Variants in SSBP3 observed in about 807,000 individuals in gnomAD.
SSBP3 encodes the protein single stranded DNA binding protein 3, also known as single-stranded DNA-binding protein 3.
A neutral mutation model predicts 69.6 loss-of-function variants in SSBP3; 5 were observed. That is an observed-to-expected ratio of 0.07 (90% confidence interval 0.04 to 0.15). The LOEUF (loss-of-function observed/expected upper bound fraction) is 0.15. Among genes scored for constraint, SSBP3 ranks in the 10% least tolerant of loss-of-function variants. The pLI, the probability that SSBP3 is intolerant of heterozygous loss-of-function variation, is 1.00. For missense variants in SSBP3, 312 were observed against 534.0 expected, an observed-to-expected ratio of 0.58 and a Z score of 4.10; for synonymous variants, 196 against 193.4, an observed-to-expected ratio of 1.01 and a Z score of -0.11.
intron 3 of SSBP3, among the ~76,000 whole-genome samples, chr1:54,403,698 C>T (rs1451727893): frequency 6.6e-6 from 1 of 152,076 alleles, no homozygotes; most frequent in Admixed American, 6.6e-5. Context: ...CAGGACACAC[C>T]GTTTTGCTGA....
chr1:54,293,784 A>G (rs1356770617), intron 4 of SSBP3, among the ~76,000 whole-genome samples: 1 of 152,272 alleles, frequency 6.6e-6, no homozygotes, highest in Non-Finnish European at 1.5e-5. Context: ...TGGTGTGCAC[A>G]GCACAGGGAA....
chr1:54,357,516 A>C (rs1446988231), intron 4 of SSBP3, among the ~76,000 whole-genome samples: 1 of 152,118 alleles, frequency 6.6e-6, no homozygotes, highest in Non-Finnish European at 1.5e-5. Context: ...TTGCCACCTC[A>C]TCCTCCTGCT....
Position 54,258,333 on chromosome 1 carries a change from G to A in SSBP3, c.367-184C>T, listed in dbSNP as rs550224781. ...GGTCGCCGGCTCAACGGTGTAAAAC[G>A]GCGAGCGGGAGCGAGAGAAGCTGAT... On this transcript the variant is annotated intron_variant, in intron 5 of 17. Coordinates refer to ENST00000610401, the Ensembl canonical transcript of SSBP3. This position sits in a 1 kb window ranked among gnomAD's most constrained non-coding sequence, Gnocchi z 4.5. 3.3e-4 allele frequency among the ~76,000 whole-genome samples: 51 copies of A among 152,314 alleles called. No homozygotes were observed. In the South Asian group the frequency reaches 4.6e-3, roughly 14 times the overall value.
Position 54,313,435 on chromosome 1 carries a change from CTTTTTTTTT to C in SSBP3, c.277-31917_277-31909del, listed in dbSNP as rs752753963. Reference sequence around the variant, plus strand: ...CTCACACCGAAGCTGTGTGCCTGTGCTTTTTTTTTTTTTTTTTTTTTTTTTTCTTTTTAA... The same window carrying C: ...CTCACACCGAAGCTGTGTGCCTGTGCTTTTTTTTTTTTTTTTTCTTTTTAA... On this transcript the variant is annotated intron_variant, in intron 4 of 17. Coordinates refer to ENST00000610401, the Ensembl canonical transcript of SSBP3. 6.2e-3 allele frequency among the ~76,000 whole-genome samples: 533 copies of C among 86,440 alleles called. 3 individuals carry two copies. Among genetic ancestry groups the C allele is most frequent in the African/African-American group, 0.021 (498 of 24,044 alleles). 56.7% of individuals were successfully genotyped at this position (86,440 alleles called of 152,430 possible). A position where few individuals can be genotyped will look rare whatever the true frequency, so the allele number is the denominator to read the frequency against.
chr1:54,333,466 G>A (rs569020855), intron 4 of SSBP3, among the ~76,000 whole-genome samples: 1 of 152,256 alleles, frequency 6.6e-6, no homozygotes, highest in East Asian at 1.9e-4. Flanking sequence ...AAGGCTGCAT[G>A]GCCTGGTAAT....
exon 1 of SSBP3, chr1:54,406,070 G>A: frequency 2.0e-6 from 2 of 1,004,596 alleles, no homozygotes; most frequent in Non-Finnish European, 2.7e-6. Flanking sequence ...CTACCGCTCC[G>A]GCTCTCCCGA....
chr1:54,319,047 C>T (rs1326924424), intron 4 of SSBP3, among the ~76,000 whole-genome samples: 1 of 152,164 alleles, frequency 6.6e-6, no homozygotes, highest in Non-Finnish European at 1.5e-5. Context: ...GTCCACACCA[C>T]ACCAGCTGCA....
At chr1:54,404,809 G>GGA in intron 2 of SSBP3, 49 bp downstream of exon 2, 1 of 225,520 alleles carries the variant, frequency 4.4e-6, no homozygotes, top group Non-Finnish European at 6.7e-6. Context: ...TAAGAATAGT[G>GGA]GGGGGGGGGG....
At chr1:54,248,390 G>A (rs1389138611) in intron 9 of SSBP3, among the ~76,000 whole-genome samples, 2 of 152,182 alleles carry the variant, frequency 1.3e-5, no homozygotes, top group East Asian at 3.9e-4. Flanking sequence ...TTTCACAGCT[G>A]CTATTTCGCC....
chr1:54,273,097 G>A (rs934827763), intron 5 of SSBP3, among the ~76,000 whole-genome samples: 2 of 152,256 alleles, frequency 1.3e-5, no homozygotes, highest in African/African-American at 2.4e-5. Context: ...CTGGCTCTGC[G>A]TTAGGGGGCA....
chr1:54,272,711 G>A (rs540694389), intron 5 of SSBP3, among the ~76,000 whole-genome samples: 3 of 152,322 alleles, frequency 2.0e-5, no homozygotes, highest in Non-Finnish European at 4.4e-5. Flanking sequence ...GCCGACCTGC[G>A]GCAGAGCAGC....
intron 4 of SSBP3, among the ~76,000 whole-genome samples, chr1:54,372,379 C>T (rs563401741): frequency 6.6e-6 from 1 of 151,540 alleles, no homozygotes; most frequent in South Asian, 2.1e-4. Flanking sequence ...TGGAATGCCC[C>T]TTCCCCTCCA....
In SSBP3 at chr1:54,256,201, A is replaced by C. The variant is rs755282238; in HGVS notation, c.507+926T>G. Among the ~76,000 whole-genome samples the C allele has an allele frequency of 2.6e-5, 4 of 152,166 alleles. No individual in the cohort carries two copies. The East Asian group carries it at 7.7e-4, about 29-fold the overall frequency. ...AAAAGCATCACACTCAGACAATGCTAATTTAGCTGGTGACTAAACTCCCAG... is the reference window on the plus strand; with the variant it reads ...AAAAGCATCACACTCAGACAATGCTCATTTAGCTGGTGACTAAACTCCCAG... On this transcript the variant is annotated intron_variant, in intron 7 of 17. Coordinates refer to ENST00000610401, the Ensembl canonical transcript of SSBP3.
chr1:54,392,655 G>A (rs952041237), intron 4 of SSBP3, among the ~76,000 whole-genome samples: 2 of 152,222 alleles, frequency 1.3e-5, no homozygotes, highest in Admixed American at 1.3e-4. Flanking sequence ...ACTTAGCACA[G>A]TTGATGCCTG....
intron 1 of SSBP3, chr1:54,412,647 T>C (rs1271398051): frequency 2.0e-5 from 3 of 152,260 alleles, no homozygotes; most frequent in Non-Finnish European, 4.4e-5. Flanking sequence ...ATAATGTGAA[T>C]ACACTCAATG....
In SSBP3 at chr1:54,269,794, T is replaced by C. The variant is rs537026487; in HGVS notation, c.366+11644A>G. 2.8e-4 allele frequency among the ~76,000 whole-genome samples: 43 copies of C among 152,158 alleles called. No homozygotes were observed. In the South Asian group the frequency reaches 8.5e-3, roughly 30 times the overall value. On this transcript the variant is annotated intron_variant, in intron 5 of 17. Coordinates refer to ENST00000610401, the Ensembl canonical transcript of SSBP3. ...TGTGGAACAACAGCTGGTCCAACAG[T>C]GGGGTGAGGGTAGCAGGGCTAGACC...
intron 4 of SSBP3, among the ~76,000 whole-genome samples, chr1:54,293,911 TG>T (rs993052160): frequency 1.3e-5 from 2 of 151,096 alleles, no homozygotes; most frequent in African/African-American, 4.9e-5. Context: ...CTGAGGCGGG[TG>T]GATTACCTGA....
chr1:54,410,530 C>G (rs1050837145), upstream of SSBP3, among the ~76,000 whole-genome samples: 2 of 152,232 alleles, frequency 1.3e-5, no homozygotes, highest in Non-Finnish European at 2.9e-5. Flanking sequence ...CAGCCCACTT[C>G]TGCACCCGGC....
At chr1:54,285,478 T>C (rs1436188528) in intron 4 of SSBP3, 1 of 152,114 alleles carries the variant, frequency 6.6e-6, no homozygotes. Context: ...GGATCTAGAA[T>C]ACGGGTAAGT....
Sources: allele counts gnomAD v4.1 joint callset (sites outside exome capture counted in the v4.1 genomes callset), GRCh38; gene constraint gnomAD v4.1.1; non-coding constraint Gnocchi (gnomAD v3.1); transcripts MANE v1.5; gene names NCBI Gene and HGNC (gene_info 2026-07-23, HGNC 2026-07-21).